Variants in TRHDE observed in about 807,000 individuals in gnomAD.
The protein encoded by TRHDE is thyrotropin releasing hormone degrading enzyme.
A neutral mutation model predicts 125.7 loss-of-function variants in TRHDE; 72 were observed. The observed-to-expected ratio is 0.57, with a 90% CI of 0.47 to 0.70. TRHDE has a LOEUF of 0.70. Ranked by LOEUF, TRHDE falls within the 30% of genes least tolerant of loss-of-function variation. The pLI, the probability that TRHDE is intolerant of heterozygous loss-of-function variation, is 0.00. For missense variants in TRHDE, 1,110 were observed against 1,327.1 expected, an observed-to-expected ratio of 0.84 and a Z score of 2.54; for synonymous variants, 509 against 509.1, an observed-to-expected ratio of 1.00 and a Z score of 0.00.
intron 6 of TRHDE, among the ~76,000 whole-genome samples, chr12:72,539,001 A>G (rs1251312727): frequency 6.6e-6 from 1 of 151,708 alleles, no homozygotes; most frequent in Non-Finnish European, 1.5e-5. Context: ...AAACTTCCCT[A>G]CTTGTGATTT....
At chr12:72,163,588 C>G (rs571228282) in intron 2 of TRHDE, among the ~76,000 whole-genome samples, 2 of 152,238 alleles carry the variant, frequency 1.3e-5, no homozygotes, top group Admixed American at 6.5e-5. Context: ...GGTCTAAATT[C>G]ATGATATGGA....
intron 6 of TRHDE, among the ~76,000 whole-genome samples, chr12:72,525,601 T>TTGTGTGTGTGTGTG (rs3081972): frequency 8.1e-4 from 104 of 127,692 alleles, no homozygotes; most frequent in Middle Eastern, 3.8e-3. Flanking sequence ...TGTGTGTGGT[T>TTGTGTGTGTGTGTG]TGTGTGTGTG....
intron 2 of TRHDE, among the ~76,000 whole-genome samples, chr12:72,213,841 C>G (rs536881316): frequency 3.4e-4 from 51 of 152,152 alleles, no homozygotes; most frequent in African/African-American, 1.2e-3. Context: ...CATAGATCAT[C>G]TAATTGGGAA....
chr12:72,189,727 T>TA (rs1877300749), intron 2 of TRHDE, among the ~76,000 whole-genome samples: 6 of 152,112 alleles, frequency 3.9e-5, no homozygotes, highest in Non-Finnish European at 8.8e-5. Flanking sequence ...AGGCAACATA[T>TA]CCCACATTTG....
intron 2 of TRHDE, among the ~76,000 whole-genome samples, chr12:72,147,146 G>A (rs1402510221): frequency 6.6e-6 from 1 of 151,992 alleles, no homozygotes; most frequent in Admixed American, 6.6e-5. Context: ...GGACCAAAAG[G>A]CAACTTTTTG....
chr12:72,527,742 T>C (rs1441342173), intron 6 of TRHDE, among the ~76,000 whole-genome samples: 1 of 152,118 alleles, frequency 6.6e-6, no homozygotes, highest in African/African-American at 2.4e-5. Context: ...ATATGCTATA[T>C]GTATTTTATA....
chr12:72,345,008 T>C (rs966751220), intron 2 of TRHDE, among the ~76,000 whole-genome samples: 16 of 152,136 alleles, frequency 1.1e-4, no homozygotes, highest in African/African-American at 3.6e-4. Flanking sequence ...TCCTACGTGG[T>C]TGACATATGG....
At chr12:72,341,147 A>C (rs1870067341) in intron 2 of TRHDE, among the ~76,000 whole-genome samples, 1 of 139,632 alleles carries the variant, frequency 7.2e-6, no homozygotes, top group Non-Finnish European at 1.5e-5. Flanking sequence ...TTTTTTTTTA[A>C]TTATACTCTA....
At chr12:72,537,603 A>G (rs1435861034) in intron 6 of TRHDE, among the ~76,000 whole-genome samples, 1 of 152,094 alleles carries the variant, frequency 6.6e-6, no homozygotes, top group Non-Finnish European at 1.5e-5. Context: ...TCTTTATAGC[A>G]GTGTGAGAAC....
At chr12:72,356,568 C>T (rs779028040) in intron 2 of TRHDE, among the ~76,000 whole-genome samples, 1 of 151,236 alleles carries the variant, frequency 6.6e-6, no homozygotes, top group Non-Finnish European at 1.5e-5. Context: ...CTTCTGGCTA[C>T]TTTGTGAAAA....
intron 12 of TRHDE, among the ~76,000 whole-genome samples, chr12:72,581,365 A>G (rs974481902): frequency 6.6e-6 from 1 of 152,250 alleles, no homozygotes; most frequent in East Asian, 1.9e-4. Context: ...TTCACATGGC[A>G]TTATTTGAAA....
intron 2 of TRHDE, 108 bp downstream of exon 2, chr12:72,287,062 G>A: frequency 8.5e-7 from 1 of 1,173,044 alleles, no homozygotes; most frequent in Non-Finnish European, 1.2e-6. Context: ...ACCTTATATA[G>A]TGGAATTCTT....
rs1592520476 is a variant in TRHDE at position 72,536,379 on chromosome 12, C to A, written c.1723-5912C>A. Reference sequence around the variant, plus strand: ...GAAGGTAGGGGGACCTGCCTTCAGACCACATTACAATTGACAGCCTTTGCA... The same window carrying A: ...GAAGGTAGGGGGACCTGCCTTCAGAACACATTACAATTGACAGCCTTTGCA... On this transcript the variant is annotated intron_variant, in intron 6 of 18. Coordinates refer to ENST00000261180, the MANE Select transcript of TRHDE (RefSeq NM_013381.3). 2.0e-5 allele frequency among the ~76,000 whole-genome samples: 3 copies of A among 152,062 alleles called. No individual in the cohort carries two copies. The South Asian group carries it at 6.2e-4, about 31-fold the overall frequency.
intron 2 of TRHDE, among the ~76,000 whole-genome samples, chr12:72,264,984 A>G (rs1279044743): frequency 2.0e-5 from 3 of 151,642 alleles, no homozygotes; most frequent in Non-Finnish European, 4.4e-5. Context: ...AGAGTTAATA[A>G]TTGAATTTTT....
At chr12:72,107,780 G>T (rs1875222206) in intron 2 of TRHDE, among the ~76,000 whole-genome samples, 1 of 151,986 alleles carries the variant, frequency 6.6e-6, no homozygotes, top group African/African-American at 2.4e-5. Flanking sequence ...CATTTGCTGA[G>T]AATTTAAAAT....
chr12:72,422,384 A>G (rs1873994716), intron 3 of TRHDE, among the ~76,000 whole-genome samples: 2 of 152,204 alleles, frequency 1.3e-5, no homozygotes, highest in African/African-American at 4.8e-5. Context: ...GCTGTGAAAG[A>G]AAAGATACTG....
Position 72,499,540 on chromosome 12 carries a change from C to G in TRHDE, c.1627C>G (p.Leu543Val). 3 of 1,613,830 alleles carry G rather than the reference C, an allele frequency of 1.9e-6. No individual in the cohort carries two copies. Among genetic ancestry groups the G allele is most frequent in the Non-Finnish European group, 2.5e-6 (3 of 1,179,858 alleles). Residue 543 changes from leucine to valine, a missense_variant, in exon 6 of 19, where the codon CTG becomes GTG. Coordinates refer to ENST00000261180, the MANE Select transcript of TRHDE (RefSeq NM_013381.3). Reference sequence around the variant, plus strand: ...GACCGATGTTCTGCATGAAGTGATGCTGCTGGACGGTTTGGCCAGTTCCCA... The same window carrying G: ...GACCGATGTTCTGCATGAAGTGATGGTGCTGGACGGTTTGGCCAGTTCCCA... ...FLTDVLHEVM[L>V]LDGLASSHPV...
intron 12 of TRHDE, among the ~76,000 whole-genome samples, chr12:72,608,125 G>T (rs2136066101): frequency 6.6e-6 from 1 of 152,072 alleles, no homozygotes; most frequent in Non-Finnish European, 1.5e-5. Flanking sequence ...GCTATCTCTG[G>T]GTTTCATTTC....
intron 2 of TRHDE, among the ~76,000 whole-genome samples, chr12:72,295,136 G>C (rs1372549563): frequency 6.7e-6 from 1 of 149,146 alleles, no homozygotes; most frequent in African/African-American, 2.5e-5. Context: ...GGGGGTGGCT[G>C]GGGGATGGGG....
Sources: allele counts gnomAD v4.1 joint callset (sites outside exome capture counted in the v4.1 genomes callset), GRCh38; gene constraint gnomAD v4.1.1; transcripts MANE v1.5; gene names NCBI Gene and HGNC (gene_info 2026-07-23, HGNC 2026-07-21).